Variants in CCDC73 observed in about 807,000 individuals in gnomAD.
CCDC73 encodes coiled-coil domain containing 73, also known as coiled-coil domain-containing protein 73.
In CCDC73, 95 loss-of-function variants were observed where a neutral mutation model predicts 116.5. The ratio of observed to expected loss-of-function variants is 0.82; its 90% CI spans 0.69 to 0.97. The LOEUF is 0.97. Among genes scored for constraint, CCDC73 ranks in the 50% least tolerant of loss-of-function variants. The pLI, the probability that CCDC73 is intolerant of heterozygous loss-of-function variation, is 0.00. For missense variants in CCDC73, 1,066 were observed against 1,206.8 expected, an observed-to-expected ratio of 0.88 and a Z score of 1.73; for synonymous variants, 398 against 401.3, an observed-to-expected ratio of 0.99 and a Z score of 0.10.
chr11:32,693,309 C>T (rs1856277453), intron 6 of CCDC73, among the ~76,000 whole-genome samples: 1 of 152,180 alleles, frequency 6.6e-6, no homozygotes, highest in Admixed American at 6.5e-5. Flanking sequence ...ATATCAGATC[C>T]TTAACTGAAC....
At chr11:32,801,240 C>A in the CCDC73 span, among the ~76,000 whole-genome samples, 1 of 152,160 alleles carries the variant, frequency 6.6e-6, no homozygotes, top group South Asian at 2.1e-4. Flanking sequence ...TTAAACCAAT[C>A]ACTGACAAAG....
chr11:32,643,664 T>C (rs574707505), intron 12 of CCDC73, among the ~76,000 whole-genome samples: 142 of 152,186 alleles, frequency 9.3e-4, no homozygotes, highest in African/African-American at 3.1e-3. Context: ...AAATAAAAGA[T>C]TAAAAATGGT....
chr11:32,641,968 T>G lies in CCDC73; in HGVS notation c.1050+4A>C. 1 of 1,476,154 alleles carries G rather than the reference T, an allele frequency of 6.8e-7. No individual in the cohort carries two copies. Among genetic ancestry groups the G allele is most frequent in the Non-Finnish European group, 9.0e-7 (1 of 1,110,156 alleles). 91.4% of individuals were successfully genotyped at this position (1,476,154 alleles called of 1,614,324 possible). On this transcript the variant is annotated splice_donor_region_variant and intron_variant, in intron 13 of 17. Coordinates refer to ENST00000335185, the MANE Select transcript of CCDC73 (RefSeq NM_001008391.4). ...TTTAATATTTTTCTATTTAATAAAC[T>G]TACATGTCTTTTCCAAGTTCCTAGT...
intron 1 of CCDC73, among the ~76,000 whole-genome samples, chr11:32,775,566 T>C (rs1565098893): frequency 6.6e-6 from 1 of 152,196 alleles, no homozygotes; most frequent in Non-Finnish European, 1.5e-5. Flanking sequence ...GGCCATGCTG[T>C]GTCTTCAGCA....
At chr11:32,731,279 C>T (rs1193884022) in intron 2 of CCDC73, among the ~76,000 whole-genome samples, 1 of 152,174 alleles carries the variant, frequency 6.6e-6, no homozygotes, top group Non-Finnish European at 1.5e-5. Context: ...GGCCAGGAAG[C>T]TCAAACTGAG....
intron 16 of CCDC73, 106 bp from the exon 17 acceptor site, chr11:32,611,371 A>C: frequency 1.1e-6 from 1 of 949,088 alleles, no homozygotes; most frequent in Non-Finnish European, 1.6e-6. Context: ...AAAAGCAACA[A>C]ATTTCTATTT....
the CCDC73 span, among the ~76,000 whole-genome samples, chr11:32,812,041 T>A: frequency 6.6e-6 from 1 of 152,124 alleles, no homozygotes; most frequent in Non-Finnish European, 1.5e-5. Context: ...GTGCTCCAGT[T>A]GCTGAGTGGT....
intron 2 of CCDC73, among the ~76,000 whole-genome samples, chr11:32,755,867 C>T (rs147858545): frequency 0.65 from 39,237 of 60,060 alleles, 13,406 homozygotes; most frequent in East Asian, 0.9. Flanking sequence ...GTATATATCT[C>T]CATATATATA....
chr11:32,624,728 T>G (rs888007733), intron 14 of CCDC73, among the ~76,000 whole-genome samples: 1 of 152,260 alleles, frequency 6.6e-6, no homozygotes, highest in African/African-American at 2.4e-5. Context: ...TGCACACGTA[T>G]GTTTGTTGTG....
intron 2 of CCDC73, among the ~76,000 whole-genome samples, chr11:32,743,480 C>T (rs1297699609): frequency 1.3e-5 from 2 of 152,072 alleles, no homozygotes; most frequent in African/African-American, 2.4e-5. Context: ...TCTTTGAAAC[C>T]AGTGAGAACA....
intron 7 of CCDC73, chr11:32,680,754 T>C (rs1856136592): frequency 6.6e-6 from 1 of 151,968 alleles, no homozygotes; most frequent in Admixed American, 6.6e-5. Context: ...AGAGTAAACT[T>C]TAGAGGAAAA....
At chr11:32,722,096 G>C (rs886561951) in intron 2 of CCDC73, among the ~76,000 whole-genome samples, 4 of 152,098 alleles carry the variant, frequency 2.6e-5, no homozygotes, top group African/African-American at 9.7e-5. Flanking sequence ...AAAGTAGAGT[G>C]CTTCTACAAT....
At chr11:32,755,110 T>A (rs911392447) in intron 2 of CCDC73, among the ~76,000 whole-genome samples, 6 of 147,622 alleles carry the variant, frequency 4.1e-5, no homozygotes, top group Non-Finnish European at 7.5e-5. Flanking sequence ...CTGGCCTCGA[T>A]CTCCTGACCT....
chr11:32,738,608 T>A (rs1850156479), intron 2 of CCDC73, among the ~76,000 whole-genome samples: 1 of 152,190 alleles, frequency 6.6e-6, no homozygotes, highest in African/African-American at 2.4e-5. Flanking sequence ...TTATCCCTTG[T>A]CAGATTGATC....
In CCDC73 at chr11:32,661,658, C is replaced by T. The variant is rs575774626; in HGVS notation, c.646-6686G>A. Among the ~76,000 whole-genome samples the T allele has an allele frequency of 1.3e-4, 19 of 151,268 alleles. No homozygotes were observed. In the South Asian group the frequency reaches 3.2e-3, roughly 25 times the overall value. On this transcript the variant is annotated intron_variant, in intron 9 of 17. Coordinates refer to ENST00000335185, the MANE Select transcript of CCDC73 (RefSeq NM_001008391.4). ...CCTTTTTTATGGCTGCATAGTATTC[C>T]GTGGTGTATATGTGCCACATTTTCT...
At chr11:32,788,992 G>A (rs1850650516) in intron 1 of CCDC73, among the ~76,000 whole-genome samples, 3 of 151,896 alleles carry the variant, frequency 2.0e-5, no homozygotes, top group Non-Finnish European at 4.4e-5. Context: ...TTTTTATATT[G>A]TTAACTTTTA....
chr11:32,716,363 T>C (rs1849944353), intron 3 of CCDC73, among the ~76,000 whole-genome samples: 1 of 152,234 alleles, frequency 6.6e-6, no homozygotes, highest in East Asian at 1.9e-4. Flanking sequence ...TTCTAGATTC[T>C]GTTGTGTTCT....
chr11:32,800,519 A>G, the CCDC73 span, among the ~76,000 whole-genome samples: 1 of 152,166 alleles, frequency 6.6e-6, no homozygotes, highest in African/African-American at 2.4e-5. Flanking sequence ...TTTTCTTTTG[A>G]GCTTTTAATT....
chr11:32,683,254 A>G (rs747780998), intron 7 of CCDC73: 13 of 383,490 alleles, frequency 3.4e-5, no homozygotes, highest in Admixed American at 1.7e-4. Flanking sequence ...TCATGTTGAC[A>G]CTCAAAAAGT....
Sources: gnomAD v4.1 joint callset for allele counts (sites outside exome capture counted in the v4.1 genomes callset) on GRCh38, gnomAD v4.1.1 for gene constraint, MANE v1.5 for transcripts, NCBI Gene and HGNC (gene_info 2026-07-23, HGNC 2026-07-21) for gene names.